Variants in SGIP1 observed in about 807,000 individuals in gnomAD.
SGIP1 encodes SH3-containing GRB2-like protein 3-interacting protein 1.
Under a neutral mutation model 107.5 loss-of-function variants are expected in SGIP1, and 38 were observed. That is an observed-to-expected ratio of 0.35 (90% CI 0.27 to 0.46). The LOEUF (loss-of-function observed/expected upper bound fraction) is 0.46, where lower values mean the gene tolerates loss of function less well. SGIP1 is among the 20% of genes least tolerant of loss of function. SGIP1 has a pLI of 1.00. For missense variants in SGIP1, 929 were observed against 1,019.5 expected (o/e 0.91, Z 1.21); for synonymous variants, 365 against 366.1 (o/e 1.00, Z 0.03).
At chr1:66,627,256 G>A (rs2073073479) in intron 2 of SGIP1, among the ~76,000 whole-genome samples, 1 of 152,064 alleles carries the variant, frequency 6.6e-6, no homozygotes, top group Non-Finnish European at 1.5e-5. Context: ...ATGCTTCGGG[G>A]TGGGGGAGGA....
At chr1:66,732,007 T>C (rs961088693) in intron 20 of SGIP1, among the ~76,000 whole-genome samples, 1 of 152,214 alleles carries the variant, frequency 6.6e-6, no homozygotes, top group Non-Finnish European at 1.5e-5. Context: ...AAGCATTTGA[T>C]TGGCAAAGCT....
chr1:66,585,037 C>A (rs1212140521), intron 1 of SGIP1, among the ~76,000 whole-genome samples: 2 of 152,198 alleles, frequency 1.3e-5, no homozygotes, highest in Non-Finnish European at 1.5e-5. Flanking sequence ...ACCTGGAAGT[C>A]TTCCTTGAAC....
intron 14 of SGIP1, among the ~76,000 whole-genome samples, chr1:66,680,461 G>A (rs572588598): frequency 7.2e-5 from 11 of 152,110 alleles, no homozygotes; most frequent in African/African-American, 2.4e-4. Flanking sequence ...TATCACCTTC[G>A]GAATTCTGTT....
intron 24 of SGIP1, among the ~76,000 whole-genome samples, chr1:66,742,506 G>A (rs1331977294): frequency 1.9e-5 from 1 of 52,840 alleles, no homozygotes; most frequent in Admixed American, 2.8e-4. Context: ...GTCTCACTCT[G>A]TCGCCCAGGC....
intron 2 of SGIP1, among the ~76,000 whole-genome samples, chr1:66,630,875 GAA>G (rs1558133794): frequency 4.6e-5 from 2 of 43,788 alleles, no homozygotes; most frequent in African/African-American, 2.3e-4. Flanking sequence ...AAGAAAGAAA[GAA>G]AGAAAGAAAG....
chr1:66,743,185 C>A lies in SGIP1; in HGVS notation c.*90C>A. 1 of 1,320,638 alleles carries A rather than the reference C, an allele frequency of 7.6e-7. No homozygotes were observed. The highest frequency in any genetic ancestry group is 1.1e-6 in the Non-Finnish European group (1 of 926,074). 81.8% of individuals were successfully genotyped at this position (1,320,638 alleles called of 1,614,324 possible). On this transcript the variant is annotated 3_prime_UTR_variant, in exon 25 of 25. Coordinates refer to ENST00000371037, the MANE Select transcript of SGIP1 (RefSeq NM_032291.4). ...TTAATTTTGGTTTGATGAAAACAAA[C>A]CAATATCTGCACTTGGGATATATCA...
intron 1 of SGIP1, among the ~76,000 whole-genome samples, chr1:66,551,349 C>T (rs757758096): frequency 1.3e-5 from 2 of 152,078 alleles, no homozygotes; most frequent in Non-Finnish European, 2.9e-5. Context: ...CCACCTTTTG[C>T]TTAACAATCT....
At chr1:66,638,944 T>C (rs1234012478) in intron 4 of SGIP1, among the ~76,000 whole-genome samples, 2 of 152,212 alleles carry the variant, frequency 1.3e-5, no homozygotes, top group Admixed American at 6.5e-5. Context: ...AACCCTCCTT[T>C]ACCAACGTGA....
intron 7 of SGIP1, among the ~76,000 whole-genome samples, chr1:66,651,088 C>T (rs1320398248): frequency 3.9e-5 from 6 of 152,122 alleles, no homozygotes; most frequent in African/African-American, 1.4e-4. Context: ...GTGCTTAGTA[C>T]TTTGTAAGTA....
chr1:66,684,995 A>G (rs756490822), intron 15 of SGIP1, among the ~76,000 whole-genome samples: 4 of 152,212 alleles, frequency 2.6e-5, no homozygotes, highest in Non-Finnish European at 4.4e-5. Context: ...AAAACTCTGC[A>G]GTATTATCTC....
chr1:66,643,847 C>A, intron 7 of SGIP1, 128 bp downstream of exon 7: 1 of 763,316 alleles, frequency 1.3e-6, no homozygotes, highest in East Asian at 3.1e-5. Context: ...ATCATGAATT[C>A]TATAAATCTA....
At chr1:66,556,087 C>A (rs957768664) in intron 1 of SGIP1, among the ~76,000 whole-genome samples, 4 of 152,080 alleles carry the variant, frequency 2.6e-5, no homozygotes, top group African/African-American at 9.7e-5. Flanking sequence ...CTAAAACAAA[C>A]AAACAAACAA....
chr1:66,635,506 T>C (rs1408850), intron 3 of SGIP1, among the ~76,000 whole-genome samples: 2,377 of 152,336 alleles, frequency 0.016, 62 homozygotes, highest in African/African-American at 0.052. Context: ...ATCAGCTGTG[T>C]GTGCTGTATG....
chr1:66,631,279 A>G (rs1377284642), intron 2 of SGIP1, among the ~76,000 whole-genome samples: 1 of 152,128 alleles, frequency 6.6e-6, no homozygotes, highest in Non-Finnish European at 1.5e-5. Flanking sequence ...CATTATTTTT[A>G]TCCTTTGGTC....
At chr1:66,690,344 C>T (rs767572470) in intron 17 of SGIP1, 28 bp downstream of exon 17, 21 of 1,612,672 alleles carry the variant, frequency 1.3e-5, no homozygotes, top group Non-Finnish European at 1.5e-5. Flanking sequence ...TCTTTTAATC[C>T]GTTTGTGGTT....
At chr1:66,588,740 T>C (rs1339350488) in intron 1 of SGIP1, among the ~76,000 whole-genome samples, 1 of 151,696 alleles carries the variant, frequency 6.6e-6, no homozygotes, top group African/African-American at 2.4e-5. Flanking sequence ...CTATTTTCAT[T>C]CTTCATTCTT....
intron 17 of SGIP1, among the ~76,000 whole-genome samples, chr1:66,690,940 G>A (rs2089694537): frequency 6.6e-6 from 1 of 152,160 alleles, no homozygotes; most frequent in Non-Finnish European, 1.5e-5. Flanking sequence ...GTAAAGAGTT[G>A]AGAATGGCTG....
chr1:66,578,047 T>A (rs576973506), intron 1 of SGIP1, among the ~76,000 whole-genome samples: 4 of 152,296 alleles, frequency 2.6e-5, no homozygotes, highest in East Asian at 1.9e-4. Context: ...TTTTAAAAAA[T>A]TTACCTCTTG....
Position 66,536,610 on chromosome 1 carries a change from G to A in SGIP1, c.10+2242G>A, listed in dbSNP as rs558932935. ...CTTAACTCATCTCTAGAGATTGCCA[G>A]CCTCTGTACATCTACCACAATAACC... On this transcript the variant is annotated intron_variant, in intron 1 of 24. Transcript: ENST00000371037. Among the ~76,000 whole-genome samples, 6 of 152,274 alleles carry A rather than the reference G, an allele frequency of 3.9e-5. No homozygotes were observed. In the East Asian group the frequency reaches 9.6e-4, roughly 24 times the overall value.
Sources: allele counts gnomAD v4.1 joint callset (sites outside exome capture counted in the v4.1 genomes callset), GRCh38; gene constraint gnomAD v4.1.1; transcripts MANE v1.5; gene names NCBI Gene and HGNC (gene_info 2026-07-23, HGNC 2026-07-21).